Variants in TBX18 observed in about 807,000 individuals in gnomAD.
TBX18 encodes the protein T-box transcription factor TBX18.
TBX18 carries 21 observed loss-of-function variants against 55.0 expected under a neutral mutation model. That is an observed-to-expected ratio of 0.38 (90% CI 0.27 to 0.55). The LOEUF (loss-of-function observed/expected upper bound fraction) is 0.55. TBX18 is among the 20% of genes least tolerant of loss of function. The probability of loss-of-function intolerance (pLI) is 0.73; values close to 1 mark genes in which losing one functional copy is unlikely to be tolerated. For missense variants in TBX18, 840 were observed against 799.6 expected, an observed-to-expected ratio of 1.05 and a Z score of -0.61; for synonymous variants, 342 against 326.1, an observed-to-expected ratio of 1.05 and a Z score of -0.53.
intron 6 of TBX18, among the ~76,000 whole-genome samples, chr6:84,739,236 A>C (rs1031759189): frequency 1.3e-5 from 2 of 151,786 alleles, no homozygotes; most frequent in African/African-American, 4.8e-5. Flanking sequence ...AGGTGACCTC[A>C]CAGGGCTATC....
At chr6:84,744,371 G>T (rs1429916225) in intron 5 of TBX18, 46 bp from the exon 6 acceptor site, 1 of 1,564,960 alleles carries the variant, frequency 6.4e-7, no homozygotes, top group East Asian at 2.3e-5. Flanking sequence ...TAAATGTCAA[G>T]CAAGTTTTTA....
At chr6:84,757,654 A>T (rs557004766) in intron 3 of TBX18, among the ~76,000 whole-genome samples, 1 of 152,076 alleles carries the variant, frequency 6.6e-6, no homozygotes, top group East Asian at 1.9e-4. Context: ...GAAACAAAAC[A>T]TCCTTTCTAT....
Position 84,762,551 on chromosome 6 carries a change from C to G in TBX18, c.490G>C (p.Ala164Pro). ...CGCCAGCTTGCCCATTACCTGCCGG[C>G]CTTGGTGATGATCATCTCAGTGCCT... ...EIGTEMIITK[A>P]GRRMFPAMRV... The change falls in exon 2 of 8, where the codon GCC becomes CCC. Residue 164 changes from alanine to proline, a missense_variant. By Grantham distance (27) the Ala-to-Pro change is conservative. Coordinates refer to ENST00000369663, the MANE Select transcript of TBX18 (RefSeq NM_001080508.3). 1 of 1,614,040 alleles carries G rather than the reference C, an allele frequency of 6.2e-7. No individual in the cohort carries two copies.
At position 84,736,927 on chromosome 6, in the gene TBX18, C is replaced by A. The variant is rs201213116; in HGVS notation, c.1582G>T (p.Ala528Ser). The change falls in exon 8 of 8, where the codon GCA (alanine) becomes TCA (serine). Residue 528 changes from alanine to serine, a missense_variant. Physicochemically the swap from Ala to Ser is moderately conservative, Grantham distance 99. Transcript: ENST00000369663. ...GTGGAGAAGTTATATCCATATAGTG[C>A]ACAGGGGCTGTGTAATCTAAAAGTA... is the stretch of plus-strand genomic sequence containing the variant. Reference protein sequence around the residue: ...YNTFRLHSPCALYGYNFSTSP... With the variant: ...YNTFRLHSPCSLYGYNFSTSP... 1 of 1,611,248 alleles carries A rather than the reference C, an allele frequency of 6.2e-7. No homozygotes were observed.
rs1210779576 is a variant in TBX18 at position 84,735,080 on chromosome 6, A to G, written c.*1605T>C. 1 of 152,148 alleles carries G rather than the reference A, an allele frequency of 6.6e-6. No homozygotes were observed. The highest frequency in any genetic ancestry group is 2.4e-5 in the African/African-American group (1 of 41,440). The allele number at this position is 152,148 out of a possible 1,614,324, so 9.4% of individuals were successfully genotyped here. ...AGTGAAACAGCAAATCAGGAGTTGT[A>G]CCCTTTCCCCACCAAATCCAGGGAT... On this transcript the variant is annotated 3_prime_UTR_variant, in exon 8 of 8. Coordinates refer to ENST00000369663, the MANE Select transcript of TBX18 (RefSeq NM_001080508.3).
rs1357520895 is a variant in TBX18 at position 84,733,357 on chromosome 6, A to T, written c.*3328T>A. ...ATGAACAATGAGATTAAAACACAAC[A>T]TGGTAATAATTTAATACAATTAGTT... is the stretch of plus-strand genomic sequence containing the variant. On this transcript the variant is annotated 3_prime_UTR_variant, in exon 8 of 8. Coordinates refer to ENST00000369663, the MANE Select transcript of TBX18 (RefSeq NM_001080508.3). The T allele has an allele frequency of 2.6e-5, 4 of 152,206 alleles. No individual in the cohort carries two copies. The highest frequency in any genetic ancestry group is 5.9e-5 in the Non-Finnish European group (4 of 68,026). 9.4% of individuals were successfully genotyped at this position (152,206 alleles called of 1,614,324 possible).
Position 84,762,761 on chromosome 6 carries a change from G to T in TBX18, c.293-13C>A. 1 of 1,583,974 alleles carries T rather than the reference G, an allele frequency of 6.3e-7. No homozygotes were observed. The highest frequency in any genetic ancestry group is 8.6e-7 in the Non-Finnish European group (1 of 1,165,642). Reference sequence around the variant, plus strand: ...TCCTCACAGCCGCCTGGACAGCAAAGGACAGAGAAAGGGAACTGGTGAGGG... The same window carrying T: ...TCCTCACAGCCGCCTGGACAGCAAATGACAGAGAAAGGGAACTGGTGAGGG... On this transcript the variant is annotated splice_polypyrimidine_tract_variant and intron_variant, in intron 1 of 7. Coordinates refer to ENST00000369663, the MANE Select transcript of TBX18 (RefSeq NM_001080508.3).
chr6:84,745,990 T>TC, intron 5 of TBX18, among the ~76,000 whole-genome samples: 1 of 152,296 alleles, frequency 6.6e-6, no homozygotes, highest in East Asian at 1.9e-4. Context: ...TAACCACTAA[T>TC]CTGCTAACAA....
chr6:84,739,846 A>G (rs1201068510), intron 6 of TBX18, among the ~76,000 whole-genome samples: 1 of 152,192 alleles, frequency 6.6e-6, no homozygotes, highest in South Asian at 2.1e-4. Context: ...CTACTTGTCC[A>G]TCTGTTCCAA....
chr6:84,763,905 C>A lies in TBX18; in HGVS notation c.277G>T (p.Glu93Ter). The stretch of plus-strand genomic sequence containing the variant: ...GCCCACTCACCCGCGGCTCCGCGCT[C>A]CAGGTCTGCGCCACTCCGAGCCGGC... ...SGPARSGADLERGAAGGCEDG... is the reference protein window; with the variant it reads ...SGPARSGADL Residue 93 changes from glutamate to a stop codon, truncating the protein, a stop_gained, in exon 1 of 8, where the codon GAG becomes TAG. Coordinates refer to ENST00000369663, the MANE Select transcript of TBX18 (RefSeq NM_001080508.3). LOFTEE classifies it high-confidence loss of function. 6.5e-7 allele frequency: 1 copy of A among 1,536,016 alleles called. No homozygotes were observed. Among genetic ancestry groups the A allele is most frequent in the South Asian group, 1.2e-5 (1 of 81,796 alleles).
In TBX18 at chr6:84,764,145, G is replaced by A; in HGVS notation, c.37C>T (p.Leu13=). 6.4e-7 allele frequency: 1 copy of A among 1,558,862 alleles called. No homozygotes were observed. Among genetic ancestry groups the A allele is most frequent in the Non-Finnish European group, 8.6e-7 (1 of 1,162,510 alleles). Residue 13 remains leucine (L), a synonymous_variant, in exon 1 of 8, where the codon CTA becomes TTA. Coordinates refer to ENST00000369663, the MANE Select transcript of TBX18 (RefSeq NM_001080508.3). Reference sequence around the variant, plus strand: ...GAGAAAGCGTGCGCCTTGAGGCTTAGCATGCTGCACGGCGAGCCCCTTCGC... The same window carrying A: ...GAGAAAGCGTGCGCCTTGAGGCTTAACATGCTGCACGGCGAGCCCCTTCGC... ...EKRRGSPCSM[L]SLKAHAFSVE...
At chr6:84,740,282 T>C (rs537275179) in intron 6 of TBX18, among the ~76,000 whole-genome samples, 3 of 152,126 alleles carry the variant, frequency 2.0e-5, no homozygotes, top group East Asian at 1.9e-4. Context: ...GGATACTAGA[T>C]TGGGGTCAGA....
intron 2 of TBX18, among the ~76,000 whole-genome samples, 163 bp downstream of exon 2, chr6:84,762,381 C>G (rs1336880951): frequency 6.6e-6 from 1 of 152,208 alleles, no homozygotes; most frequent in African/African-American, 2.4e-5. Context: ...GTAGCCAAAG[C>G]TAGCCTCCAA....
Position 84,748,054 on chromosome 6 carries a change from G to A in TBX18, c.805C>T (p.Arg269Ter). 6.2e-7 allele frequency: 1 copy of A among 1,612,536 alleles called. No homozygotes were observed. Among genetic ancestry groups the A allele is most frequent in the Non-Finnish European group, 8.5e-7 (1 of 1,178,946 alleles). ...CAGTCTTTACGGATGACGTGCACTCGCGGTTGGTATTTGTGCATAGAATGA... is the reference window on the plus strand; with the variant it reads ...CAGTCTTTACGGATGACGTGCACTCACGGTTGGTATTTGTGCATAGAATGA... ...ILHSMHKYQP[R>*]VHVIRKDCGD... Residue 269 changes from arginine to a stop codon, truncating the protein, a stop_gained, in exon 5 of 8, where the codon CGA (arginine) becomes TGA (stop). Coordinates refer to ENST00000369663, the MANE Select transcript of TBX18 (RefSeq NM_001080508.3). LOFTEE classifies it high-confidence loss of function.
intron 7 of TBX18, among the ~76,000 whole-genome samples, chr6:84,737,722 T>C (rs902786224): frequency 3.9e-5 from 6 of 152,218 alleles, no homozygotes; most frequent in Non-Finnish European, 8.8e-5. Flanking sequence ...CTGGATCTGC[T>C]GGCAGACTGA....
Position 84,735,249 on chromosome 6 carries a change from G to A in TBX18, c.*1436C>T, listed in dbSNP as rs1773906051. The stretch of plus-strand genomic sequence containing the variant: ...GAATGTGCCTCATCATGTATTCTTA[G>A]CCTTTTTTATTTATCTCATACTGTG... On this transcript the variant is annotated 3_prime_UTR_variant, in exon 8 of 8. Transcript: ENST00000369663. 6.6e-6 allele frequency: 1 copy of A among 152,068 alleles called. No individual in the cohort carries two copies. The highest frequency in any genetic ancestry group is 1.5e-5 in the Non-Finnish European group (1 of 67,996). The allele number at this position is 152,068 out of a possible 1,614,324, so 9.4% of individuals were successfully genotyped here. A position where few individuals can be genotyped will look rare whatever the true frequency, so the allele number is the denominator to read the frequency against.
intron 1 of TBX18, chr6:84,762,994 C>G (rs950569138): frequency 1.8e-6 from 1 of 555,196 alleles, no homozygotes; most frequent in Non-Finnish European, 3.2e-6. Flanking sequence ...CCGGGAGAGG[C>G]GCGCGGGCAG....
intron 4 of TBX18, among the ~76,000 whole-genome samples, chr6:84,754,852 G>A (rs1438163482): frequency 6.6e-6 from 1 of 152,150 alleles, no homozygotes; most frequent in African/African-American, 2.4e-5. Flanking sequence ...TGAGATCCCT[G>A]GAGAAGGGGG....
At chr6:84,762,848 C>G in intron 1 of TBX18, 100 bp from the exon 2 acceptor site, 1 of 1,182,068 alleles carries the variant, frequency 8.5e-7, no homozygotes, top group Non-Finnish European at 1.2e-6. Flanking sequence ...AGGAAAATGA[C>G]CGGGAGAAAA....
Sources: allele counts gnomAD v4.1 joint callset (sites outside exome capture counted in the v4.1 genomes callset), GRCh38; gene constraint gnomAD v4.1.1; transcripts MANE v1.5; gene names NCBI Gene and HGNC (gene_info 2026-07-23, HGNC 2026-07-21).